Variants in CACNA1I observed in about 807,000 individuals in gnomAD.
CACNA1I encodes voltage-dependent T-type calcium channel subunit alpha-1I.
In CACNA1I, 74 loss-of-function variants were observed where a neutral mutation model predicts 201.6. The ratio of observed to expected loss-of-function variants is 0.37; its 90% CI spans 0.30 to 0.45. CACNA1I has a LOEUF of 0.45. Among genes scored for constraint, CACNA1I ranks in the 20% least tolerant of loss-of-function variants. The probability of loss-of-function intolerance (pLI) is 1.00; values close to 1 mark genes in which losing one functional copy is unlikely to be tolerated. For missense variants in CACNA1I, 2,346 were observed against 3,138.1 expected (o/e 0.75, Z 6.03); for synonymous variants, 1,431 against 1,345.2 (o/e 1.06, Z -1.40).
In CACNA1I at chr22:39,684,650, C is replaced by A. The variant is rs973385286; in HGVS notation, c.6027+152C>A. On this transcript the variant is annotated intron_variant, in intron 36 of 36. Coordinates refer to ENST00000402142, the MANE Select transcript of CACNA1I (RefSeq NM_021096.4). This position sits in a 1 kb window ranked among gnomAD's most constrained non-coding sequence, Gnocchi z 4.6. Reference sequence around the variant, plus strand: ...AGGGGGTTTGGGAACGCTGGGGTGACGCTGAGACTGGAGGGGGAGGTGGCA... The same window carrying A: ...AGGGGGTTTGGGAACGCTGGGGTGAAGCTGAGACTGGAGGGGGAGGTGGCA... 1.3e-6 allele frequency: 1 copy of A among 752,590 alleles called. No homozygotes were observed. The highest frequency in any genetic ancestry group is 2.2e-6 in the Non-Finnish European group (1 of 462,158). The allele number at this position is 752,590 out of a possible 1,614,324, so 46.6% of individuals were successfully genotyped here.
At position 39,670,783 on chromosome 22, in the gene CACNA1I, T is replaced by TC; in HGVS notation, c.4388-15dup. ...CCCAACCCTCTGTGGTCTTTGCCAC[T>TC]CCCCCTGCACCACCTGCAGAGGCCC... is the stretch of plus-strand genomic sequence containing the variant. On this transcript the variant is annotated intron_variant, in intron 25 of 36. Coordinates refer to ENST00000402142, the MANE Select transcript of CACNA1I (RefSeq NM_021096.4). The TC allele has an allele frequency of 6.2e-7, 1 of 1,612,252 alleles. No individual in the cohort carries two copies. The highest frequency in any genetic ancestry group is 8.5e-7 in the Non-Finnish European group (1 of 1,178,744).
In CACNA1I at chr22:39,663,773, C is replaced by T; in HGVS notation, c.3529C>T (p.Leu1177=). 1 of 1,613,864 alleles carries T rather than the reference C, an allele frequency of 6.2e-7. No individual in the cohort carries two copies. The highest frequency in any genetic ancestry group is 2.2e-5 in the East Asian group (1 of 44,866). Residue 1177 remains leucine, a synonymous_variant, in exon 19 of 37, where the codon CTG becomes TTG. Coordinates refer to ENST00000402142, the MANE Select transcript of CACNA1I (RefSeq NM_021096.4). ...IAHKLFDYVV[L]AFIFLNCITI... is the part of the protein sequence containing the mutation. ...CCACAAACTCTTCGACTACGTCGTC[C>T]TGGCCTTCATCTTTCTCAACTGCAT...
chr22:39,634,536 G>T lies in CACNA1I; in HGVS notation c.581-29G>T, dbSNP rs778856809. On this transcript the variant is annotated intron_variant, in intron 4 of 36. Transcript: ENST00000402142. ...TCTCTGGGACCTCTGCTCCCTGTCTGACCATCCCTCCACCTTTTCCCCTCC... is the reference window on the plus strand; with the variant it reads ...TCTCTGGGACCTCTGCTCCCTGTCTTACCATCCCTCCACCTTTTCCCCTCC... The T allele has an allele frequency of 3.7e-6, 6 of 1,612,642 alleles. No individual in the cohort carries two copies. In the African/African-American group the frequency reaches 6.7e-5, roughly 18 times the overall value.
intron 7 of CACNA1I, among the ~76,000 whole-genome samples, chr22:39,645,673 G>C (rs1333244416): frequency 6.6e-6 from 1 of 152,194 alleles, no homozygotes; most frequent in African/African-American, 2.4e-5. Context: ...CTCCTGGCGG[G>C]CACCTCCAAG....
At chr22:39,654,830 G>A (rs1212684989) in intron 10 of CACNA1I, among the ~76,000 whole-genome samples, 1 of 152,154 alleles carries the variant, frequency 6.6e-6, no homozygotes, top group Non-Finnish European at 1.5e-5. Flanking sequence ...AGAAGGATGT[G>A]TACAAGGGGC....
chr22:39,600,471 G>A, intron 2 of CACNA1I, 49 bp from the exon 3 acceptor site: 1 of 1,551,980 alleles, frequency 6.4e-7, no homozygotes, highest in Non-Finnish European at 8.9e-7. Context: ...CCTGGGCCCT[G>A]CTCTGCAACC....
At position 39,600,600 on chromosome 22, in the gene CACNA1I, G is replaced by A. The variant is rs1933004231; in HGVS notation, c.429G>A (p.Lys143=). The change falls in exon 3 of 37, where the codon AAG becomes AAA. Residue 143 remains lysine (K), a synonymous_variant. Coordinates refer to ENST00000402142, the MANE Select transcript of CACNA1I (RefSeq NM_021096.4). ...KMVALGIFGK[K]CYLGDTWNRL... ...TGGCCCTGGGGATTTTTGGCAAGAA[G>A]TGCTACCTCGGGGACACATGGAACC... 6.2e-7 allele frequency: 1 copy of A among 1,611,190 alleles called. No individual in the cohort carries two copies. The highest frequency in any genetic ancestry group is 1.3e-5 in the African/African-American group (1 of 74,944).
chr22:39,669,525 A>ATGGG (rs1935300105), intron 24 of CACNA1I, among the ~76,000 whole-genome samples: 1 of 150,478 alleles, frequency 6.6e-6, no homozygotes, highest in African/African-American at 2.4e-5. Context: ...GAATGGATGG[A>ATGGG]TGGGTGGATG....
At chr22:39,661,880 G>A (rs1935022094) in intron 16 of CACNA1I, 85 bp from the exon 17 acceptor site, 1 of 848,446 alleles carries the variant, frequency 1.2e-6, no homozygotes, top group Non-Finnish European at 1.7e-6. Flanking sequence ...GAGCCACAGC[G>A]GGGGTGCAGG....
In CACNA1I at chr22:39,584,640, C is replaced by T. The variant is rs116502710; in HGVS notation, c.237-13511C>T. 6.9e-3 allele frequency among the ~76,000 whole-genome samples: 1,049 copies of T among 152,296 alleles called. 14 individuals are homozygous for T. The highest frequency in any genetic ancestry group is 0.025 in the African/African-American group (1,022 of 41,574). On this transcript the variant is annotated intron_variant, in intron 1 of 36. Transcript: ENST00000402142. ...GGAAGACAAGTCTAGGGGCTTGTGGCATCTCCTGGAGCCCAAGGGGAAGAG... is the reference window on the plus strand; with the variant it reads ...GGAAGACAAGTCTAGGGGCTTGTGGTATCTCCTGGAGCCCAAGGGGAAGAG...
At chr22:39,579,601 G>T (rs1006485655) in intron 1 of CACNA1I, among the ~76,000 whole-genome samples, 2 of 152,106 alleles carry the variant, frequency 1.3e-5, no homozygotes, top group African/African-American at 4.8e-5. Flanking sequence ...AGGGGAGAAG[G>T]TGTGTTGCAT....
chr22:39,574,492 G>A (rs1023627633), intron 1 of CACNA1I, among the ~76,000 whole-genome samples: 1 of 152,074 alleles, frequency 6.6e-6, no homozygotes, highest in Non-Finnish European at 1.5e-5. Context: ...GCGTGTGTGG[G>A]TGGGGCAGGG....
chr22:39,642,221 G>A (rs1934368964), intron 6 of CACNA1I, among the ~76,000 whole-genome samples: 1 of 152,158 alleles, frequency 6.6e-6, no homozygotes, highest in South Asian at 2.1e-4. Context: ...CTCTGCCCAG[G>A]AGGGTGGGTG....
rs772778211 is a variant in CACNA1I at position 39,659,890 on chromosome 22, G to T, written c.2604+38G>T. On this transcript the variant is annotated intron_variant, in intron 14 of 36. Coordinates refer to ENST00000402142, the MANE Select transcript of CACNA1I (RefSeq NM_021096.4). This position sits in a 1 kb window ranked among gnomAD's most constrained non-coding sequence, Gnocchi z 4.3. ...TTGGCAGAGGAAGCACCCCCACAGGGTCTGCGAAAGACTGGGCGAGGGAGA... is the reference window on the plus strand; with the variant it reads ...TTGGCAGAGGAAGCACCCCCACAGGTTCTGCGAAAGACTGGGCGAGGGAGA... 4.3e-6 allele frequency: 7 copies of T among 1,612,222 alleles called. No individual in the cohort carries two copies. The African/African-American group carries it at 9.3e-5, about 22-fold the overall frequency.
intron 26 of CACNA1I, 51 bp downstream of exon 26, chr22:39,671,005 CT>C: frequency 1.9e-6 from 3 of 1,573,346 alleles, no homozygotes; most frequent in South Asian, 1.1e-5. Flanking sequence ...AGGGTGGGGT[CT>C]CAGCAGGACC....
chr22:39,622,474 G>T (rs1367006734), intron 4 of CACNA1I, among the ~76,000 whole-genome samples: 1 of 151,956 alleles, frequency 6.6e-6, no homozygotes, highest in Non-Finnish European at 1.5e-5. Flanking sequence ...GGTGGACCAA[G>T]GGGTGGGGCA....
At position 39,681,017 on chromosome 22, in the gene CACNA1I, C is replaced by A; in HGVS notation, c.5629C>A (p.Pro1877Thr). 2 of 1,611,002 alleles carry A rather than the reference C, an allele frequency of 1.2e-6. No individual in the cohort carries two copies. Among genetic ancestry groups the A allele is most frequent in the Non-Finnish European group, 1.7e-6 (2 of 1,179,298 alleles). Reference protein sequence around the residue: ...LLGDDLSLEDPTACPPGRKDS... With the variant: ...LLGDDLSLEDTTACPPGRKDS... ...GGGTGACGACCTGAGTCTCGAGGACCCCACAGCCTGCCCACCTGGCCGCAA... is the reference window on the plus strand; with the variant it reads ...GGGTGACGACCTGAGTCTCGAGGACACCACAGCCTGCCCACCTGGCCGCAA... The change falls in exon 34 of 37, where the codon CCC becomes ACC. Residue 1877 changes from proline to threonine, a missense_variant. This residue lies in a region of CACNA1I where 441 missense variants were observed against 555.6 expected (regional missense o/e 0.79). Coordinates refer to ENST00000402142, the MANE Select transcript of CACNA1I (RefSeq NM_021096.4).
intron 10 of CACNA1I, among the ~76,000 whole-genome samples, chr22:39,657,163 C>A (rs966484704): frequency 6.6e-6 from 1 of 152,222 alleles, no homozygotes; most frequent in African/African-American, 2.4e-5. Flanking sequence ...TGCCCCCAGT[C>A]GTGGCCTCTA....
Position 39,640,910 on chromosome 22 carries a change from G to A in CACNA1I, c.784G>A (p.Asp262Asn), listed in dbSNP as rs368361255. Reference sequence around the variant, plus strand: ...GCCCCCATACTACCAGCCGGAGGAGGATGATGAGATGCCCTTCATCTGCTC... The same window carrying A: ...GCCCCCATACTACCAGCCGGAGGAGAATGATGAGATGCCCTTCATCTGCTC... ...ALPPYYQPEEDDEMPFICSLS... is the reference protein window; with the variant it reads ...ALPPYYQPEENDEMPFICSLS... The change falls in exon 6 of 37, where the codon GAT becomes AAT. Residue 262 changes from aspartate to asparagine, a missense_variant. Physicochemically the swap from Asp to Asn is conservative, Grantham distance 23. Transcript: ENST00000402142. 1.2e-6 allele frequency: 2 copies of A among 1,613,846 alleles called. No homozygotes were observed. Among genetic ancestry groups the A allele is most frequent in the Non-Finnish European group, 1.7e-6 (2 of 1,179,832 alleles).
Sources: allele counts gnomAD v4.1 joint callset (sites outside exome capture counted in the v4.1 genomes callset), GRCh38; gene constraint gnomAD v4.1.1; regional missense constraint gnomAD v4.1.1; non-coding constraint Gnocchi (gnomAD v3.1); transcripts MANE v1.5; gene names NCBI Gene and HGNC (gene_info 2026-07-23, HGNC 2026-07-21).